Variants in ZNF462 observed in about 807,000 individuals in gnomAD.
ZNF462 encodes the protein zinc finger protein 462, also known as zinc finger PBX1-interacting protein.
ZNF462 carries 10 observed loss-of-function variants against 201.9 expected under a neutral mutation model. The observed-to-expected ratio is 0.05, with a 90% confidence interval of 0.03 to 0.08. The LOEUF is 0.08. Ranked by LOEUF, ZNF462 falls within the 10% of genes least tolerant of loss-of-function variation. The pLI is 1.00. For missense variants in ZNF462, 2,523 were observed against 3,168.3 expected (o/e 0.80, Z 4.89); for synonymous variants, 1,227 against 1,193.3 (o/e 1.03, Z -0.58).
intron 7 of ZNF462, among the ~76,000 whole-genome samples, chr9:106,959,466 C>T (rs1322667381): frequency 2.0e-5 from 3 of 152,086 alleles, no homozygotes; most frequent in Admixed American, 2.0e-4. Context: ...AACTGAGGCC[C>T]TTGGAAGCAC....
chr9:106,965,892 T>C (rs1372111060), intron 7 of ZNF462, among the ~76,000 whole-genome samples: 1 of 152,134 alleles, frequency 6.6e-6, no homozygotes, highest in Non-Finnish European at 1.5e-5. Context: ...AGTTGTATAA[T>C]AGAAGTTGCA....
In ZNF462 at chr9:106,984,441, G is replaced by C; in HGVS notation, c.7056+32G>C. 6.4e-7 allele frequency: 1 copy of C among 1,570,200 alleles called. No homozygotes were observed. The highest frequency in any genetic ancestry group is 8.7e-7 in the Non-Finnish European group (1 of 1,151,722). ...ACCAGGACTTCCTGCTCCCGCCTCA[G>C]CACACTTGTGGGGAGGGGCCAAGGG... On this transcript the variant is annotated intron_variant, in intron 10 of 12. Transcript: ENST00000277225. The surrounding 1 kb of genome is among the most constrained non-coding windows in gnomAD (Gnocchi z 6.4).
rs201483451 is a variant in ZNF462 at position 106,970,837 on chromosome 9, C to CT, written c.6428-1159dup. 1.9e-4 allele frequency among the ~76,000 whole-genome samples: 28 copies of CT among 145,600 alleles called. No homozygotes were observed. The highest frequency in any genetic ancestry group is 1.4e-4 in the Admixed American group (2 of 14,684). On this transcript the variant is annotated intron_variant, in intron 7 of 12. Coordinates refer to ENST00000277225, the MANE Select transcript of ZNF462 (RefSeq NM_021224.6). The surrounding 1 kb of genome is among the most constrained non-coding windows in gnomAD (Gnocchi z 4.2). ...ATTTATTTTTACTTTTTTTTCTCTT[C>CT]TTTTTTTTTAATTCAAAGAAGAAAC... is the stretch of plus-strand genomic sequence containing the variant.
intron 7 of ZNF462, among the ~76,000 whole-genome samples, chr9:106,939,887 A>C (rs1286921876): frequency 6.6e-6 from 1 of 152,156 alleles, no homozygotes; most frequent in Non-Finnish European, 1.5e-5. Context: ...CTTAGAAGAG[A>C]AGGAGAGGAA....
At chr9:106,887,795 T>A (rs1726865290) in intron 1 of ZNF462, among the ~76,000 whole-genome samples, 1 of 152,230 alleles carries the variant, frequency 6.6e-6, no homozygotes, top group African/African-American at 2.4e-5. Context: ...GAAACTGTGA[T>A]TAAAAAGGAC....
In ZNF462 at chr9:106,874,980, C is replaced by A. The variant is rs534176663; in HGVS notation, c.-31+11625C>A. ...AAAACAAGATAATCTAGTCAGTGGG[C>A]TTAATTAGGTGGTGATTGCCCAATT... On this transcript the variant is annotated intron_variant, in intron 1 of 12. Transcript: ENST00000277225. 4.6e-5 allele frequency among the ~76,000 whole-genome samples: 7 copies of A among 152,270 alleles called. No individual in the cohort carries two copies. In the South Asian group the frequency reaches 1.5e-3, roughly 32 times the overall value.
rs1832186596 is a variant in ZNF462, at chr9:106,968,558, G to GGTTT, written c.6428-3444_6428-3443insTGTT. 1.3e-5 allele frequency among the ~76,000 whole-genome samples: 2 copies of GGTTT among 152,138 alleles called. No individual in the cohort carries two copies. The highest frequency in any genetic ancestry group is 1.3e-4 in the Admixed American group (2 of 15,270). On this transcript the variant is annotated intron_variant, in intron 7 of 12. Coordinates refer to ENST00000277225, the MANE Select transcript of ZNF462 (RefSeq NM_021224.6). This position sits in a 1 kb window ranked among gnomAD's most constrained non-coding sequence, Gnocchi z 4.0. ...GTCAGGGTTGGTTGGTTGGTTGGTT[G>GGTTT]GTTGGTTGGGAATGTATGGTGATGC...
chr9:106,891,804 A>G (rs1289277441), intron 1 of ZNF462, among the ~76,000 whole-genome samples: 1 of 151,996 alleles, frequency 6.6e-6, no homozygotes, highest in South Asian at 2.1e-4. Flanking sequence ...CCCATTGTTG[A>G]TCAAGCATAT....
At chr9:106,996,892 A>C (rs1828774582) in intron 10 of ZNF462, among the ~76,000 whole-genome samples, 2 of 152,136 alleles carry the variant, frequency 1.3e-5, no homozygotes, top group Non-Finnish European at 2.9e-5. Flanking sequence ...CTATAAAGCT[A>C]AGTAAGAAAT....
At position 106,968,679 on chromosome 9, in the gene ZNF462, T is replaced by C. The variant is rs1041979259; in HGVS notation, c.6428-3326T>C. On this transcript the variant is annotated intron_variant, in intron 7 of 12. Coordinates refer to ENST00000277225, the MANE Select transcript of ZNF462 (RefSeq NM_021224.6). The surrounding 1 kb of genome is among the most constrained non-coding windows in gnomAD (Gnocchi z 4.0). The stretch of plus-strand genomic sequence containing the variant: ...GCCATACAGGTGTTAAAGATCTAAC[T>C]TGTGTGAGCCGCAGTTGGGTGCAGA... Among the ~76,000 whole-genome samples the C allele has an allele frequency of 1.3e-5, 2 of 152,268 alleles. No individual in the cohort carries two copies. Among genetic ancestry groups the C allele is most frequent in the East Asian group, 3.9e-4 (2 of 5,184 alleles).
chr9:106,871,036 A>G (rs1827568368), intron 1 of ZNF462, among the ~76,000 whole-genome samples: 1 of 152,182 alleles, frequency 6.6e-6, no homozygotes, highest in Admixed American at 6.5e-5. Context: ...CCTCTAAGGG[A>G]AAATTCTCCC....
intron 7 of ZNF462, among the ~76,000 whole-genome samples, chr9:106,949,804 C>A (rs1831262133): frequency 6.6e-6 from 1 of 152,168 alleles, no homozygotes; most frequent in Admixed American, 6.5e-5. Flanking sequence ...TCTGGAATTA[C>A]AATAGACTAG....
chr9:106,910,110 G>A (rs1829479555), intron 1 of ZNF462, among the ~76,000 whole-genome samples: 1 of 151,874 alleles, frequency 6.6e-6, no homozygotes, highest in African/African-American at 2.4e-5. Context: ...TGTGGATTTT[G>A]CCTCTTATAA....
chr9:106,880,792 T>G lies in ZNF462; in HGVS notation c.-31+17437T>G, dbSNP rs796254032. ...TTAAAAAGGAATGTCTAGTAGGCAGTGTGGGGACCTGGACTCCCAAGATGG... is the reference window on the plus strand; with the variant it reads ...TTAAAAAGGAATGTCTAGTAGGCAGGGTGGGGACCTGGACTCCCAAGATGG... On this transcript the variant is annotated intron_variant, in intron 1 of 12. Coordinates refer to ENST00000277225, the MANE Select transcript of ZNF462 (RefSeq NM_021224.6). The surrounding 1 kb of genome is among the most constrained non-coding windows in gnomAD (Gnocchi z 4.1). Among the ~76,000 whole-genome samples the G allele has an allele frequency of 5.9e-5, 9 of 152,340 alleles. No homozygotes were observed. The highest frequency in any genetic ancestry group is 2.2e-4 in the African/African-American group (9 of 41,586).
At chr9:107,004,960 T>TAA (rs1368268093) in intron 11 of ZNF462, among the ~76,000 whole-genome samples, 1 of 152,148 alleles carries the variant, frequency 6.6e-6, no homozygotes, top group African/African-American at 2.4e-5. Context: ...GATCATGCAG[T>TAA]ATTTGTGCCT....
Position 106,949,467 on chromosome 9 carries a change from A to G in ZNF462, c.6427+10360A>G, listed in dbSNP as rs140614596. On this transcript the variant is annotated intron_variant, in intron 7 of 12. Coordinates refer to ENST00000277225, the MANE Select transcript of ZNF462 (RefSeq NM_021224.6). Reference sequence around the variant, plus strand: ...AAGATGTGCCATCCCATGTTACTGCACTTTTCATGCATCATTCCCTTGTCC... The same window carrying G: ...AAGATGTGCCATCCCATGTTACTGCGCTTTTCATGCATCATTCCCTTGTCC... Among the ~76,000 whole-genome samples the G allele has an allele frequency of 4.9e-3, 753 of 152,296 alleles. 4 individuals are homozygous for G. The highest frequency in any genetic ancestry group is 6.9e-3 in the Non-Finnish European group (472 of 68,018).
rs909623751 is a variant in ZNF462 at position 107,012,601 on chromosome 9, T to C, written c.*1571T>C. On this transcript the variant is annotated 3_prime_UTR_variant, in exon 13 of 13. Coordinates refer to ENST00000277225, the MANE Select transcript of ZNF462 (RefSeq NM_021224.6). ...TCGTTCCAAAAAATAGAAAAGAACT[T>C]TTCTTGAAGCCTAGGTTTTAGAAGC... The C allele has an allele frequency of 6.6e-6, 1 of 151,766 alleles. No homozygotes were observed. Among genetic ancestry groups the C allele is most frequent in the Non-Finnish European group, 1.5e-5 (1 of 67,986 alleles). 9.4% of individuals were successfully genotyped at this position (151,766 alleles called of 1,614,324 possible). A position where few individuals can be genotyped will look rare whatever the true frequency, so the allele number is the denominator to read the frequency against.
intron 1 of ZNF462, among the ~76,000 whole-genome samples, chr9:106,889,183 C>T (rs1014142072): frequency 7.2e-5 from 11 of 152,132 alleles, no homozygotes; most frequent in Admixed American, 4.6e-4. Context: ...TAATGGGGCA[C>T]CTAGGTGGAA....
chr9:107,002,990 A>G (rs965223439), intron 10 of ZNF462, among the ~76,000 whole-genome samples: 4 of 152,180 alleles, frequency 2.6e-5, no homozygotes, highest in Non-Finnish European at 4.4e-5. Flanking sequence ...TATTTACTCT[A>G]TACTCTAGCC....
Sources: gnomAD v4.1 joint callset for allele counts (sites outside exome capture counted in the v4.1 genomes callset) on GRCh38, gnomAD v4.1.1 for gene constraint, Gnocchi (gnomAD v3.1) non-coding constraint, MANE v1.5 for transcripts, NCBI Gene and HGNC (gene_info 2026-07-23, HGNC 2026-07-21) for gene names.